The following KLF3 variants were observed in gnomAD, a reference collection of about 807,000 sequenced individuals.
The protein encoded by KLF3 is Krueppel-like factor 3.
KLF3 carries 6 observed loss-of-function variants against 32.7 expected under a neutral mutation model. The observed-to-expected ratio is 0.18, with a 90% CI of 0.10 to 0.36. The LOEUF (loss-of-function observed/expected upper bound fraction) is 0.36, where lower values mean the gene tolerates loss of function less well. Ranked by LOEUF, KLF3 falls within the 10% of genes least tolerant of loss-of-function variation. The probability of loss-of-function intolerance (pLI) is 1.00; values close to 1 mark genes in which losing one functional copy is unlikely to be tolerated. For synonymous variants in KLF3, 145 were observed against 172.8 expected (o/e 0.84, Z 1.26); for missense variants, 338 against 449.7 (o/e 0.75, Z 2.25).
intron 1 of KLF3, among the ~76,000 whole-genome samples, chr4:38,668,234 T>C (rs115298626): frequency 0.013 from 2,002 of 152,318 alleles, 42 homozygotes; most frequent in African/African-American, 0.046. Flanking sequence ...TGCCTTAATA[T>C]TAGTTTTCTG....
At chr4:38,681,726 C>T (rs767131866) in intron 2 of KLF3, among the ~76,000 whole-genome samples, 12 of 152,188 alleles carry the variant, frequency 7.9e-5, no homozygotes, top group Admixed American at 7.2e-4. Flanking sequence ...TTTTCTTCCA[C>T]GGGCTTGGAA....
chr4:38,669,329 T>C (rs1362244164), intron 1 of KLF3, among the ~76,000 whole-genome samples: 2 of 152,118 alleles, frequency 1.3e-5, no homozygotes, highest in Non-Finnish European at 2.9e-5. Flanking sequence ...AAGAGGGTTA[T>C]GGTGGTCGCT....
At chr4:38,681,427 A>C (rs567633223) in intron 2 of KLF3, among the ~76,000 whole-genome samples, 1 of 152,334 alleles carries the variant, frequency 6.6e-6, no homozygotes, top group East Asian at 1.9e-4. Flanking sequence ...TGAGGACGGA[A>C]TCTCGTTTAC....
At chr4:38,683,759 G>A (rs1170520392) in intron 2 of KLF3, among the ~76,000 whole-genome samples, 3 of 152,122 alleles carry the variant, frequency 2.0e-5, no homozygotes, top group African/African-American at 7.2e-5. Context: ...TTCTATTCCT[G>A]TGGAAAGATT....
intron 1 of KLF3, among the ~76,000 whole-genome samples, chr4:38,680,261 T>C (rs185546106): frequency 6.6e-6 from 1 of 152,208 alleles, no homozygotes; most frequent in African/African-American, 2.4e-5. Context: ...TCACCCAGGC[T>C]GGAGTGCAGC....
At position 38,688,428 on chromosome 4, in the gene KLF3, G is replaced by A. The variant is rs17582491; in HGVS notation, c.58-157G>A. On this transcript the variant is annotated intron_variant, in intron 2 of 5. Coordinates refer to ENST00000261438, the MANE Select transcript of KLF3 (RefSeq NM_016531.6). The surrounding 1 kb of genome is among the most constrained non-coding windows in gnomAD (Gnocchi z 4.9). ...TTTTTAATGTTGAGACCACCTCTTT[G>A]AGCATTTTTTTAAGGTCACATATAT... Among the ~76,000 whole-genome samples the A allele has an allele frequency of 0.17, 26,421 of 152,094 alleles. 2,509 individuals are homozygous for A. Among genetic ancestry groups the A allele is most frequent in the Admixed American group, 0.26 (3,905 of 15,292 alleles).
At chr4:38,693,035 T>C (rs1008859479) in intron 4 of KLF3, among the ~76,000 whole-genome samples, 2 of 148,456 alleles carry the variant, frequency 1.3e-5, no homozygotes, top group South Asian at 2.1e-4. Flanking sequence ...CACTTTGCTG[T>C]GTTCTCTGCT....
chr4:38,668,210 A>G (rs1004856234), intron 1 of KLF3, among the ~76,000 whole-genome samples: 5 of 152,222 alleles, frequency 3.3e-5, no homozygotes, highest in Admixed American at 2.0e-4. Flanking sequence ...TTTCTAGGAT[A>G]ACTATTTAAG....
chr4:38,683,296 C>G (rs1722585350), intron 2 of KLF3, among the ~76,000 whole-genome samples: 1 of 152,148 alleles, frequency 6.6e-6, no homozygotes, highest in African/African-American at 2.4e-5. Context: ...TTCCCACCCC[C>G]TAAAAGGATA....
intron 4 of KLF3, chr4:38,690,387 G>A (rs561675347): frequency 6.6e-6 from 1 of 152,390 alleles, no homozygotes; most frequent in Admixed American, 6.5e-5. Context: ...ATGGTATAAT[G>A]TGGTAGTTGC....
At chr4:38,693,451 T>C (rs906591082) in intron 4 of KLF3, among the ~76,000 whole-genome samples, 2 of 152,040 alleles carry the variant, frequency 1.3e-5, no homozygotes, top group Admixed American at 1.3e-4. Context: ...TGACAAGGGA[T>C]GTGTATTCAA....
chr4:38,676,420 G>A (rs2109242041), intron 1 of KLF3, among the ~76,000 whole-genome samples: 1 of 152,310 alleles, frequency 6.6e-6, no homozygotes, highest in South Asian at 2.1e-4. Flanking sequence ...CAGCCTGGGT[G>A]ACAGAGTGGG....
intron 5 of KLF3, among the ~76,000 whole-genome samples, chr4:38,696,208 A>G (rs1035951496): frequency 1.5e-5 from 2 of 134,666 alleles, no homozygotes; most frequent in East Asian, 2.2e-4. Context: ...AAAAAAAAAA[A>G]CGCCTCTTTG....
chr4:38,691,631 T>C (rs1350266499), intron 4 of KLF3, among the ~76,000 whole-genome samples: 5 of 152,242 alleles, frequency 3.3e-5, no homozygotes, highest in Non-Finnish European at 7.3e-5. Flanking sequence ...ATACTTTTAT[T>C]TTAAGTAATA....
At chr4:38,693,883 C>G (rs1722962626) in intron 4 of KLF3, among the ~76,000 whole-genome samples, 1 of 152,194 alleles carries the variant, frequency 6.6e-6, no homozygotes, top group South Asian at 2.1e-4. Context: ...TGAAAAAAAG[C>G]TTAGATTGTA....
chr4:38,679,931 C>T (rs764441792), intron 1 of KLF3, among the ~76,000 whole-genome samples: 40 of 152,260 alleles, frequency 2.6e-4, no homozygotes, highest in Admixed American at 1.4e-3. Context: ...AGGTGTTTAA[C>T]GGTCATATGT....
intron 4 of KLF3, among the ~76,000 whole-genome samples, chr4:38,693,117 C>CACGT (rs71641385): frequency 7.2e-6 from 1 of 137,972 alleles, no homozygotes; most frequent in Non-Finnish European, 1.5e-5. Context: ...CATATATATA[C>CACGT]ATATATATAT....
Position 38,694,857 on chromosome 4 carries a change from A to G in KLF3, c.807A>G (p.Lys269=). The change falls in exon 5 of 6, where the codon AAA becomes AAG. Residue 269 remains lysine (K), a synonymous_variant. Transcript: ENST00000261438. ...GATGTGATTATGATGGATGCAACAA[A>G]GTGTACACTAAAAGCTCCCACTTGA... ...IHRCDYDGCN[K]VYTKSSHLKA... is the part of the protein sequence containing the mutation. The G allele has an allele frequency of 6.2e-7, 1 of 1,607,360 alleles. No individual in the cohort carries two copies.
At position 38,697,336 on chromosome 4, in the gene KLF3, A is replaced by G; in HGVS notation, c.*73A>G. 1 of 1,328,888 alleles carries G rather than the reference A, an allele frequency of 7.5e-7. No individual in the cohort carries two copies. The highest frequency in any genetic ancestry group is 1.5e-5 in the African/African-American group (1 of 67,988). The allele number at this position is 1,328,888 out of a possible 1,614,324, so 82.3% of individuals were successfully genotyped here. On this transcript the variant is annotated 3_prime_UTR_variant, in exon 6 of 6. Coordinates refer to ENST00000261438, the MANE Select transcript of KLF3 (RefSeq NM_016531.6). ...CTCTCTGTCCTGCCTCCCATTATCT[A>G]ACACATTTTTTACATGTACATTTTA...
Sources: allele counts gnomAD v4.1 joint callset (sites outside exome capture counted in the v4.1 genomes callset), GRCh38; gene constraint gnomAD v4.1.1; non-coding constraint Gnocchi (gnomAD v3.1); transcripts MANE v1.5; gene names NCBI Gene and HGNC (gene_info 2026-07-23, HGNC 2026-07-21).